Variants in IREB2 observed in about 807,000 individuals in gnomAD.
IREB2 encodes the protein iron-responsive element-binding protein 2.
In IREB2, 39 loss-of-function variants were observed where a neutral mutation model predicts 118.8. That is an observed-to-expected ratio of 0.33 (90% CI 0.25 to 0.43). The LOEUF is 0.43. Among genes scored for constraint, IREB2 ranks in the 20% least tolerant of loss-of-function variants. IREB2 has a pLI of 1.00. For synonymous variants in IREB2, 372 were observed against 392.2 expected, an observed-to-expected ratio of 0.95 and a Z score of 0.61; for missense variants, 900 against 1,147.3, an observed-to-expected ratio of 0.78 and a Z score of 3.11.
intron 2 of IREB2, among the ~76,000 whole-genome samples, chr15:78,444,550 C>A (rs112084556): frequency 2.0e-5 from 3 of 151,868 alleles, no homozygotes; most frequent in African/African-American, 7.3e-5. Flanking sequence ...CCAGTAGAGC[C>A]GGGACTTAGT....
At chr15:78,484,611 A>G (rs2051628549) in intron 11 of IREB2, 150 bp from the exon 12 acceptor site, 1 of 576,000 alleles carries the variant, frequency 1.7e-6, no homozygotes, top group East Asian at 2.8e-5. Context: ...AATTACAACT[A>G]CTGAATGTTA....
intron 2 of IREB2, among the ~76,000 whole-genome samples, chr15:78,447,629 T>A (rs2050953301): frequency 6.6e-6 from 1 of 151,512 alleles, no homozygotes; most frequent in Non-Finnish European, 1.5e-5. Context: ...CCACTCCCGC[T>A]CTGATTTTTT....
intron 8 of IREB2, chr15:78,473,650 G>C: frequency 3.0e-6 from 1 of 334,170 alleles, no homozygotes; most frequent in Non-Finnish European, 5.5e-6. Context: ...TATTCTCATT[G>C]TAACTCTGAG....
At chr15:78,451,850 A>T (rs1241487992) in intron 2 of IREB2, among the ~76,000 whole-genome samples, 1 of 152,076 alleles carries the variant, frequency 6.6e-6, no homozygotes, top group Non-Finnish European at 1.5e-5. Context: ...ACTGCGTCCA[A>T]CAGGGTTTCA....
chr15:78,439,721 C>A, intron 1 of IREB2, 74 bp from the exon 2 acceptor site: 1 of 813,856 alleles, frequency 1.2e-6, no homozygotes, highest in Non-Finnish European at 2.0e-6. Context: ...TTGGATAAAG[C>A]TAGTTTCCAG....
Position 78,473,214 on chromosome 15 carries a change from G to A in IREB2, c.884-28G>A, listed in dbSNP as rs767187008. On this transcript the variant is annotated intron_variant, in intron 7 of 21. Transcript: ENST00000258886. ...GATAAATGATCTTTAAATATACTGT[G>A]CTAATATACCTGTCTTTATTACGTT... 8.7e-6 allele frequency: 14 copies of A among 1,602,796 alleles called. No homozygotes were observed. The East Asian group carries it at 3.1e-4, about 36-fold the overall frequency.
At chr15:78,447,129 T>C (rs2915695) in intron 2 of IREB2, among the ~76,000 whole-genome samples, 118,305 of 151,704 alleles carry the variant, frequency 0.78, 46,445 homozygotes, top group African/African-American at 0.85. Context: ...GATTCTGGCT[T>C]AGCTGATTTT....
At chr15:78,467,494 C>A (rs889837824) in intron 5 of IREB2, among the ~76,000 whole-genome samples, 1 of 152,144 alleles carries the variant, frequency 6.6e-6, no homozygotes, top group African/African-American at 2.4e-5. Flanking sequence ...GAGTTCGAGG[C>A]CAGCCTGGCA....
At chr15:78,467,945 G>A (rs61299530) in intron 5 of IREB2, among the ~76,000 whole-genome samples, 22,670 of 151,860 alleles carry the variant, frequency 0.15, 1,739 homozygotes, top group Non-Finnish European at 0.16. Flanking sequence ...CTGCAGTCTC[G>A]ATCTCTTGGA....
intron 7 of IREB2, 95 bp downstream of exon 7, chr15:78,472,019 T>A: frequency 5.6e-6 from 5 of 892,256 alleles, no homozygotes; most frequent in South Asian, 2.5e-5. Context: ...TATAGCCTCT[T>A]TGAGGCTCTG....
At chr15:78,468,736 TA>T (rs2051327075) in intron 5 of IREB2, among the ~76,000 whole-genome samples, 1 of 152,190 alleles carries the variant, frequency 6.6e-6, no homozygotes, top group African/African-American at 2.4e-5. Context: ...TTAATATTTT[TA>T]TGAAGCCACA....
At chr15:78,489,504 T>G (rs2051714809) in intron 16 of IREB2, among the ~76,000 whole-genome samples, 1 of 152,044 alleles carries the variant, frequency 6.6e-6, no homozygotes, top group Non-Finnish European at 1.5e-5. Flanking sequence ...TATTTATTAT[T>G]TTTTATTATT....
chr15:78,438,603 C>T (rs1006498508), intron 1 of IREB2: 34 of 518,928 alleles, frequency 6.6e-5, no homozygotes, highest in East Asian at 2.3e-4. Flanking sequence ...TGGCCTTGAC[C>T]CGCACCCCTC....
chr15:78,445,688 G>A (rs980475775), intron 2 of IREB2, among the ~76,000 whole-genome samples: 2 of 152,120 alleles, frequency 1.3e-5, no homozygotes, highest in Non-Finnish European at 2.9e-5. Flanking sequence ...TTTGTATAAT[G>A]CCCAATATGG....
intron 2 of IREB2, among the ~76,000 whole-genome samples, chr15:78,455,574 A>G (rs1373205732): frequency 1.3e-5 from 2 of 149,804 alleles, no homozygotes; most frequent in Non-Finnish European, 3.0e-5. Flanking sequence ...CTATTGAAAA[A>G]AAAAAGAAAA....
At position 78,475,988 on chromosome 15, in the gene IREB2, A is replaced by C. The variant is rs1439853004; in HGVS notation, c.1024-200A>C. 3.0e-5 allele frequency: 12 copies of C among 401,368 alleles called. No individual in the cohort carries two copies. In the East Asian group the frequency reaches 3.9e-4, roughly 13 times the overall value. 24.9% of individuals were successfully genotyped at this position (401,368 alleles called of 1,614,324 possible). On this transcript the variant is annotated intron_variant, in intron 8 of 21. Coordinates refer to ENST00000258886, the MANE Select transcript of IREB2 (RefSeq NM_004136.4). Reference sequence around the variant, plus strand: ...CCCCTTTCTACCCTGATTAACAGTGACATTGGACCAGTCTTCTCTTTACTT... The same window carrying C: ...CCCCTTTCTACCCTGATTAACAGTGCCATTGGACCAGTCTTCTCTTTACTT...
At chr15:78,452,589 A>C (rs552191563) in intron 2 of IREB2, among the ~76,000 whole-genome samples, 4 of 152,240 alleles carry the variant, frequency 2.6e-5, no homozygotes, top group Admixed American at 6.5e-5. Context: ...AACAAGGAAG[A>C]TAGGCCTACC....
chr15:78,480,899 C>T (rs2051557894), intron 10 of IREB2, among the ~76,000 whole-genome samples: 1 of 151,544 alleles, frequency 6.6e-6, no homozygotes, highest in African/African-American at 2.4e-5. Context: ...GTCCCAGCTA[C>T]TCAGGAGGCT....
intron 9 of IREB2, among the ~76,000 whole-genome samples, 176 bp from the exon 10 acceptor site, chr15:78,478,121 C>T (rs2051503583): frequency 6.6e-6 from 1 of 151,162 alleles, no homozygotes. Flanking sequence ...CGGTGGGGTG[C>T]TACTTGGGAG....
Sources: allele counts gnomAD v4.1 joint callset (sites outside exome capture counted in the v4.1 genomes callset), GRCh38; gene constraint gnomAD v4.1.1; transcripts MANE v1.5; gene names NCBI Gene and HGNC (gene_info 2026-07-23, HGNC 2026-07-21).